The following PLCG2 variants were observed in gnomAD, a reference collection of about 807,000 sequenced individuals.
PLCG2 encodes the protein phospholipase C gamma 2, also known as 1-phosphatidylinositol 4,5-bisphosphate phosphodiesterase gamma-2.
PLCG2 carries 69 observed loss-of-function variants against 175.6 expected under a neutral mutation model. That is an observed-to-expected ratio of 0.39 (90% CI 0.32 to 0.48). PLCG2 has a LOEUF of 0.48. Ranked by LOEUF, PLCG2 falls within the 20% of genes least tolerant of loss-of-function variation. The pLI is 0.91. For synonymous variants in PLCG2, 827 were observed against 624.0 expected (o/e 1.33, Z -4.85); for missense variants, 1,798 against 1,650.9 (o/e 1.09, Z -1.54).
intron 7 of PLCG2, among the ~76,000 whole-genome samples, chr16:81,877,956 T>G (rs1907886423): frequency 7.0e-6 from 1 of 143,636 alleles, no homozygotes; most frequent in South Asian, 2.3e-4. Flanking sequence ...TCTCCAAATC[T>G]CCCTCTTTTT....
intron 30 of PLCG2, among the ~76,000 whole-genome samples, chr16:81,945,889 G>C (rs946362550): frequency 2.6e-5 from 4 of 152,188 alleles, no homozygotes; most frequent in Non-Finnish European, 5.9e-5. Context: ...ACTCAATGTG[G>C]AATGTTCTGT....
chr16:81,882,962 C>A (rs574772828), intron 8 of PLCG2, among the ~76,000 whole-genome samples: 2 of 152,142 alleles, frequency 1.3e-5, no homozygotes, highest in Non-Finnish European at 2.9e-5. Flanking sequence ...ACCTGTCTTC[C>A]CCATGGCCAC....
chr16:81,931,765 C>T, intron 25 of PLCG2, 111 bp downstream of exon 25: 1 of 872,956 alleles, frequency 1.1e-6, no homozygotes, highest in South Asian at 1.7e-5. Context: ...CCAGGTCCTA[C>T]TCAGAATTCA....
chr16:81,822,450 C>G (rs1012983734), intron 2 of PLCG2, among the ~76,000 whole-genome samples: 12 of 152,110 alleles, frequency 7.9e-5, no homozygotes, highest in African/African-American at 2.9e-4. Flanking sequence ...AGTGTGTTCA[C>G]AGGGTCCTTT....
intron 2 of PLCG2, among the ~76,000 whole-genome samples, chr16:81,802,944 A>G (rs1247452195): frequency 6.6e-6 from 1 of 152,160 alleles, no homozygotes; most frequent in East Asian, 1.9e-4. Flanking sequence ...TTGTACCAAC[A>G]TTATCATAAT....
At chr16:81,910,783 A>G (rs1280416971) in intron 18 of PLCG2, 63 bp downstream of exon 18, 4 of 1,480,684 alleles carry the variant, frequency 2.7e-6, no homozygotes, top group Admixed American at 1.7e-5. Flanking sequence ...CAGGCAGAGA[A>G]GCTGGCCTGG....
upstream of PLCG2, among the ~76,000 whole-genome samples, chr16:81,778,079 C>CAAAAAAAA (rs1567458056): frequency 1.0e-5 from 1 of 96,132 alleles, no homozygotes; most frequent in African/African-American, 3.8e-5. Context: ...AACACACACA[C>CAAAAAAAA]ACAAAAAAAA....
At chr16:81,927,211 G>A in intron 23 of PLCG2, 33 bp downstream of exon 23, 1 of 1,446,396 alleles carries the variant, frequency 6.9e-7, no homozygotes, top group Non-Finnish European at 9.7e-7. Context: ...CTTACAGGAA[G>A]AAGGGATCTG....
intron 2 of PLCG2, among the ~76,000 whole-genome samples, chr16:81,833,828 A>G (rs1443884410): frequency 1.3e-5 from 2 of 152,152 alleles, no homozygotes; most frequent in African/African-American, 4.8e-5. Context: ...GGTTACAAGC[A>G]TGAGCCACGG....
Position 81,852,339 on chromosome 16 carries a change from C to T in PLCG2, c.194-2105C>T, listed in dbSNP as rs115307706. On this transcript the variant is annotated intron_variant, in intron 2 of 32. Coordinates refer to ENST00000564138, the MANE Select transcript of PLCG2 (RefSeq NM_002661.5). Reference sequence around the variant, plus strand: ...TGAGCCAGGGCACTTGGGTCATTCCCTGGCCCCTGCTGTCGCCTTCAGCTT... The same window carrying T: ...TGAGCCAGGGCACTTGGGTCATTCCTTGGCCCCTGCTGTCGCCTTCAGCTT... Among the ~76,000 whole-genome samples, 1,464 of 152,262 alleles carry T rather than the reference C, an allele frequency of 9.6e-3. 31 individuals carry two copies. Among genetic ancestry groups the T allele is most frequent in the African/African-American group, 0.033 (1,389 of 41,544 alleles).
chr16:81,757,680 G>A (rs1432193781), intron 2 of PLCG2, among the ~76,000 whole-genome samples: 1 of 152,078 alleles, frequency 6.6e-6, no homozygotes, highest in Non-Finnish European at 1.5e-5. Context: ...CATGTATCAC[G>A]CAATTCACCC....
intron 2 of PLCG2, among the ~76,000 whole-genome samples, chr16:81,802,159 C>G (rs1030475445): frequency 1.6e-5 from 2 of 123,366 alleles, no homozygotes; most frequent in Admixed American, 2.0e-4. Flanking sequence ...TTCGCCCAGG[C>G]CAGAGTGCAG....
chr16:81,835,450 G>C (rs1181156674), intron 2 of PLCG2, among the ~76,000 whole-genome samples: 1 of 152,028 alleles, frequency 6.6e-6, no homozygotes, highest in African/African-American at 2.4e-5. Context: ...ACAAAAATTC[G>C]CCGGGTGTGG....
chr16:81,811,335 G>T (rs1240740001), intron 2 of PLCG2, among the ~76,000 whole-genome samples: 1 of 152,154 alleles, frequency 6.6e-6, no homozygotes, highest in African/African-American at 2.4e-5. Context: ...CACTTTGGTT[G>T]GCAGTATCAT....
At chr16:81,862,477 C>G (rs1255369294) in intron 5 of PLCG2, among the ~76,000 whole-genome samples, 1 of 152,228 alleles carries the variant, frequency 6.6e-6, no homozygotes, top group East Asian at 1.9e-4. Flanking sequence ...GGTTAAGTGA[C>G]TTGACTAAAG....
intron 2 of PLCG2, among the ~76,000 whole-genome samples, chr16:81,756,923 C>A (rs567873705): frequency 6.6e-6 from 1 of 152,162 alleles, no homozygotes; most frequent in Non-Finnish European, 1.5e-5. Flanking sequence ...CGCGCCTCTA[C>A]GCCTGTTTTT....
chr16:81,859,844 G>A (rs548919932), intron 5 of PLCG2, among the ~76,000 whole-genome samples: 1 of 152,286 alleles, frequency 6.6e-6, no homozygotes, highest in East Asian at 1.9e-4. Context: ...CCACCAGGTG[G>A]TTCTAAGGGC....
At chr16:81,835,673 C>T (rs1008669591) in intron 2 of PLCG2, among the ~76,000 whole-genome samples, 3 of 152,020 alleles carry the variant, frequency 2.0e-5, no homozygotes, top group Non-Finnish European at 4.4e-5. Flanking sequence ...CTGTGGTTGC[C>T]ATAACACAAG....
chr16:81,909,083 G>A (rs1334174090), intron 17 of PLCG2, among the ~76,000 whole-genome samples: 1 of 152,254 alleles, frequency 6.6e-6, no homozygotes, highest in Non-Finnish European at 1.5e-5. Context: ...CCATGTCTCA[G>A]TGCATTAAAA....
Sources: allele counts gnomAD v4.1 joint callset (sites outside exome capture counted in the v4.1 genomes callset), GRCh38; gene constraint gnomAD v4.1.1; transcripts MANE v1.5; gene names NCBI Gene and HGNC (gene_info 2026-07-23, HGNC 2026-07-21).